TSPAN12: variants seen among roughly 807,000 people sequenced by gnomAD.
The protein encoded by TSPAN12 is tetraspanin 12, also known as tetraspanin-12.
Under a neutral mutation model 39.2 loss-of-function variants are expected in TSPAN12, and 19 were observed. The ratio of observed to expected loss-of-function variants is 0.49; its 90% confidence interval spans 0.34 to 0.71. The LOEUF (loss-of-function observed/expected upper bound fraction) is 0.71, where lower values mean the gene tolerates loss of function less well. TSPAN12 is among the 30% of genes least tolerant of loss of function. The pLI is 0.01. For synonymous variants in TSPAN12, 119 were observed against 124.8 expected, an observed-to-expected ratio of 0.95 and a Z score of 0.31; for missense variants, 314 against 359.9, an observed-to-expected ratio of 0.87 and a Z score of 1.03.
intron 4 of TSPAN12, among the ~76,000 whole-genome samples, chr7:120,819,664 T>G (rs181969490): frequency 6.6e-6 from 1 of 152,304 alleles, no homozygotes; most frequent in African/African-American, 2.4e-5. Flanking sequence ...CAGCTGTCTT[T>G]TCTTTGTTGT....
chr7:120,815,591 T>A (rs1794063806), intron 5 of TSPAN12, 138 bp downstream of exon 5: 1 of 816,302 alleles, frequency 1.2e-6, no homozygotes, highest in South Asian at 1.5e-5. Flanking sequence ...CCAGCCATGC[T>A]GAACTGTGAG....
chr7:120,805,841 G>A (rs1428309004), intron 7 of TSPAN12, among the ~76,000 whole-genome samples: 1 of 152,096 alleles, frequency 6.6e-6, no homozygotes, highest in East Asian at 1.9e-4. Context: ...GGCTGCTGTA[G>A]AGGACAGTGC....
At chr7:120,831,944 T>C (rs1794398071) in intron 4 of TSPAN12, among the ~76,000 whole-genome samples, 1 of 152,078 alleles carries the variant, frequency 6.6e-6, no homozygotes, top group African/African-American at 2.4e-5. Flanking sequence ...ACAATTATTA[T>C]TGATAATTAC....
chr7:120,804,882 T>C (rs1480589006), intron 7 of TSPAN12, among the ~76,000 whole-genome samples: 1 of 152,030 alleles, frequency 6.6e-6, no homozygotes, highest in Non-Finnish European at 1.5e-5. Flanking sequence ...AGGGTGATTT[T>C]TCTAAAAGAC....
At chr7:120,840,633 T>C (rs12673417) in intron 2 of TSPAN12, among the ~76,000 whole-genome samples, 29,958 of 152,136 alleles carry the variant, frequency 0.2, 3,197 homozygotes, top group African/African-American at 0.22. Flanking sequence ...CTCATACACA[T>C]ATATGTGCTA....
intron 5 of TSPAN12, 44 bp downstream of exon 5, chr7:120,815,685 T>C: frequency 6.5e-7 from 1 of 1,536,292 alleles, no homozygotes; most frequent in Non-Finnish European, 9.0e-7. Flanking sequence ...TTTAAAAGGC[T>C]GAACTGTTGT....
rs1794530240 is a variant in TSPAN12 at position 120,838,973 on chromosome 7, G to A, written c.150-61C>T. ...ATAATCAAAATGCACCCAAGACATA[G>A]CAGAAGACACAACTGTGATTTGTGT... On this transcript the variant is annotated intron_variant, in intron 3 of 7. Transcript: ENST00000222747. 1.5e-5 allele frequency: 23 copies of A among 1,533,422 alleles called. No individual in the cohort carries two copies. In the South Asian group the frequency reaches 2.5e-4, roughly 16 times the overall value. The allele number at this position is 1,533,422 out of a possible 1,614,324, so 95.0% of individuals were successfully genotyped here.
In TSPAN12 at chr7:120,838,932, G is replaced by A. The variant is rs1228907824; in HGVS notation, c.150-20C>T. On this transcript the variant is annotated intron_variant, in intron 3 of 7. Transcript: ENST00000222747. The stretch of plus-strand genomic sequence containing the variant: ...TCTACCCTGAAAGAAGAAAAATAAT[G>A]TATTAGAAAGAAAATATAATCAAAA... The A allele has an allele frequency of 6.2e-7, 1 of 1,612,682 alleles. No individual in the cohort carries two copies. The highest frequency in any genetic ancestry group is 8.5e-7 in the Non-Finnish European group (1 of 1,179,100).
intron 2 of TSPAN12, among the ~76,000 whole-genome samples, chr7:120,841,897 T>C (rs527442766): frequency 6.6e-6 from 1 of 152,324 alleles, no homozygotes; most frequent in South Asian, 2.1e-4. Context: ...TTTTCATTAT[T>C]AAGAAGAAGT....
rs1413741774 is a variant in TSPAN12 at position 120,788,912 on chromosome 7, C to T, written c.613-15G>A. ...TTCCCACAACCCTGTAAAAGAAATA[C>T]ATGGTCAACATTACTTTAGATATGT... On this transcript the variant is annotated splice_polypyrimidine_tract_variant and intron_variant, in intron 7 of 7. Coordinates refer to ENST00000222747, the MANE Select transcript of TSPAN12 (RefSeq NM_012338.4). 11 of 1,613,346 alleles carry T rather than the reference C, an allele frequency of 6.8e-6. No individual in the cohort carries two copies. The highest frequency in any genetic ancestry group is 2.7e-5 in the African/African-American group (2 of 74,874).
At chr7:120,789,181 G>A (rs1584917745) in intron 7 of TSPAN12, among the ~76,000 whole-genome samples, 1 of 152,148 alleles carries the variant, frequency 6.6e-6, no homozygotes, top group Non-Finnish European at 1.5e-5. Context: ...ATCTAAAGCA[G>A]GGGTTGACAA....
intron 7 of TSPAN12, among the ~76,000 whole-genome samples, chr7:120,797,850 G>A (rs1338797338): frequency 6.6e-6 from 1 of 152,090 alleles, no homozygotes; most frequent in African/African-American, 2.4e-5. Context: ...ACCATCACAT[G>A]ATTTATCTGT....
intron 2 of TSPAN12, among the ~76,000 whole-genome samples, chr7:120,846,750 G>A (rs1213830436): frequency 6.6e-6 from 1 of 152,152 alleles, no homozygotes; most frequent in Non-Finnish European, 1.5e-5. Flanking sequence ...ACTTATCAGG[G>A]ATATAAATAT....
At position 120,856,807 on chromosome 7, in the gene TSPAN12, T is replaced by C; in HGVS notation, c.-44A>G. On this transcript the variant is annotated 5_prime_UTR_variant, in exon 2 of 8. Coordinates refer to ENST00000222747, the MANE Select transcript of TSPAN12 (RefSeq NM_012338.4). Reference sequence around the variant, plus strand: ...GAAGCCCCATCCTTTCACCACATCCTACTCCCAAGGGCAAAACGGCAGCGA... The same window carrying C: ...GAAGCCCCATCCTTTCACCACATCCCACTCCCAAGGGCAAAACGGCAGCGA... 6.2e-7 allele frequency: 1 copy of C among 1,608,550 alleles called. No homozygotes were observed. The highest frequency in any genetic ancestry group is 8.5e-7 in the Non-Finnish European group (1 of 1,174,916).
At chr7:120,834,634 C>T (rs1008607810) in intron 4 of TSPAN12, among the ~76,000 whole-genome samples, 1 of 151,972 alleles carries the variant, frequency 6.6e-6, no homozygotes, top group African/African-American at 2.4e-5. Context: ...TCTGAGATAC[C>T]AATTGTCTTT....
chr7:120,841,480 T>C (rs771596428), intron 2 of TSPAN12, among the ~76,000 whole-genome samples: 2 of 152,098 alleles, frequency 1.3e-5, no homozygotes, highest in Non-Finnish European at 2.9e-5. Flanking sequence ...ATTTAAGACA[T>C]GACCCAGTGC....
rs561375171 is a variant in TSPAN12 at position 120,846,016 on chromosome 7, G to A, written c.67-5907C>T. Among the ~76,000 whole-genome samples, 8 of 152,276 alleles carry A rather than the reference G, an allele frequency of 5.3e-5. No homozygotes were observed. The East Asian group carries it at 1.5e-3, about 29-fold the overall frequency. Reference sequence around the variant, plus strand: ...GGCTTATGGTTCCACAGGATGTACAGGAAGCATGGCTGGGGAGGCCTCAGG... The same window carrying A: ...GGCTTATGGTTCCACAGGATGTACAAGAAGCATGGCTGGGGAGGCCTCAGG... On this transcript the variant is annotated intron_variant, in intron 2 of 7. Coordinates refer to ENST00000222747, the MANE Select transcript of TSPAN12 (RefSeq NM_012338.4).
intron 2 of TSPAN12, among the ~76,000 whole-genome samples, chr7:120,842,336 C>T (rs1794593606): frequency 6.6e-6 from 1 of 151,604 alleles, no homozygotes; most frequent in African/African-American, 2.4e-5. Context: ...GTGCCTTGGA[C>T]TGGGCAAGAT....
At chr7:120,802,955 C>G (rs1562939543) in intron 7 of TSPAN12, among the ~76,000 whole-genome samples, 1 of 152,160 alleles carries the variant, frequency 6.6e-6, no homozygotes, top group African/African-American at 2.4e-5. Flanking sequence ...ATTTCCTTGA[C>G]TTCAGACTAC....
Sources: gnomAD v4.1 joint callset for allele counts (sites outside exome capture counted in the v4.1 genomes callset) on GRCh38, gnomAD v4.1.1 for gene constraint, MANE v1.5 for transcripts, NCBI Gene and HGNC (gene_info 2026-07-23, HGNC 2026-07-21) for gene names.